The following SALL4 variants were observed in gnomAD, a reference collection of about 807,000 sequenced individuals.
The protein encoded by SALL4 is sal-like protein 4.
A neutral mutation model predicts 60.8 loss-of-function variants in SALL4; 4 were observed. The ratio of observed to expected loss-of-function variants is 0.07; its 90% CI spans 0.03 to 0.15. The LOEUF (loss-of-function observed/expected upper bound fraction) is 0.15. Ranked by LOEUF, SALL4 falls within the 10% of genes least tolerant of loss-of-function variation. The probability of loss-of-function intolerance (pLI) is 1.00; values close to 1 mark genes in which losing one functional copy is unlikely to be tolerated. For missense variants in SALL4, 1,178 were observed against 1,394.7 expected, an observed-to-expected ratio of 0.84 and a Z score of 2.48; for synonymous variants, 580 against 574.9, an observed-to-expected ratio of 1.01 and a Z score of -0.13.
At position 51,791,498 on chromosome 20, in the gene SALL4, G is replaced by T; in HGVS notation, c.985C>A (p.Arg329Ser). 1 of 1,614,058 alleles carries T rather than the reference G, an allele frequency of 6.2e-7. No homozygotes were observed. Among genetic ancestry groups the T allele is most frequent in the Non-Finnish European group, 8.5e-7 (1 of 1,180,008 alleles). The change falls in exon 2 of 4, where the codon CGC (arginine) becomes AGC (serine). Residue 329 changes from arginine (R) to serine (S), a missense_variant. Arg to Ser is a moderately radical substitution (Grantham distance 110). Around this residue, in one of 5 missense-constraint regions of SALL4, gnomAD observed 853 missense variants for 1,036.8 expected, o/e 0.82. Transcript: ENST00000217086. The surrounding 1 kb of genome is among the most constrained non-coding windows in gnomAD (Gnocchi z 4.6). ...TGAGGAAGCAAAGCGCTCGGGAGGC[G>T]GGACATGACGTTCGGGAGCACCCGG... ...GTRVLPNVMSRLPSALLPQAP... is the reference protein window; with the variant it reads ...GTRVLPNVMSSLPSALLPQAP...
At chr20:51,786,247 G>C (rs150780902) in intron 3 of SALL4, among the ~76,000 whole-genome samples, 1 of 151,664 alleles carries the variant, frequency 6.6e-6, no homozygotes, top group Non-Finnish European at 1.5e-5. Flanking sequence ...CCGCCACCAC[G>C]CCCGGCTAAT....
In SALL4 at chr20:51,790,098, G is replaced by T; in HGVS notation, c.2385C>A (p.Ala795=). 1.2e-6 allele frequency: 2 copies of T among 1,614,112 alleles called. No homozygotes were observed. The highest frequency in any genetic ancestry group is 1.7e-6 in the Non-Finnish European group (2 of 1,180,030). The change falls in exon 2 of 4, where the codon GCC becomes GCA. Residue 795 remains alanine (A), a synonymous_variant. Coordinates refer to ENST00000217086, the MANE Select transcript of SALL4 (RefSeq NM_020436.5). The surrounding 1 kb of genome is among the most constrained non-coding windows in gnomAD (Gnocchi z 5.5). ...CGGGAGACTTTGACTTGATGCTTTC[G>T]GCTTGACTATTGGCCGGGGAGAGTG... ...FQALSPANSQ[A]ESIKSKSPDA...
Position 51,789,150 on chromosome 20 carries a change from C to CA in SALL4, c.2462-10dup. The CA allele has an allele frequency of 6.2e-7, 1 of 1,613,002 alleles. No individual in the cohort carries two copies. Among genetic ancestry groups the CA allele is most frequent in the Middle Eastern group, 1.7e-4 (1 of 6,054 alleles). On this transcript the variant is annotated splice_polypyrimidine_tract_variant and intron_variant, in intron 2 of 3. Coordinates refer to ENST00000217086, the MANE Select transcript of SALL4 (RefSeq NM_020436.5). Reference sequence around the variant, plus strand: ...AGGGAGACTGCTCCGACCTAGTACACAGAGGGGAAAAAAGCCAGACCTTTA... The same window carrying CA: ...AGGGAGACTGCTCCGACCTAGTACACAAGAGGGGAAAAAAGCCAGACCTTTA...
chr20:51,799,128 T>G (rs571455567), intron 1 of SALL4, among the ~76,000 whole-genome samples: 2 of 152,294 alleles, frequency 1.3e-5, no homozygotes, highest in Non-Finnish European at 2.9e-5. Context: ...CAACACCATC[T>G]TGACACAATA....
rs1568865404 is a variant in SALL4 at position 51,791,739 on chromosome 20, G to T, written c.744C>A (p.His248Gln). 1 of 1,614,140 alleles carries T rather than the reference G, an allele frequency of 6.2e-7. No homozygotes were observed. Among genetic ancestry groups the T allele is most frequent in the Non-Finnish European group, 8.5e-7 (1 of 1,180,056 alleles). Residue 248 changes from histidine to glutamine, a missense_variant, in exon 2 of 4, where the codon CAC (histidine) becomes CAA (glutamine). Coordinates refer to ENST00000217086, the MANE Select transcript of SALL4 (RefSeq NM_020436.5). The surrounding 1 kb of genome is among the most constrained non-coding windows in gnomAD (Gnocchi z 4.6). ...QVNMWASHAL[H>Q]SSGAGADTLK... ...GAGTGTCGGCCCCTGCCCCGCTTGA[G>T]TGGAGGGCGTGGGAGGCCCACATGT...
rs2078035219 is a variant in SALL4 at position 51,790,992 on chromosome 20, G to A, written c.1491C>T (p.Asp497=). 6.8e-6 allele frequency: 11 copies of A among 1,614,064 alleles called. No individual in the cohort carries two copies. Among genetic ancestry groups the A allele is most frequent in the Non-Finnish European group, 9.3e-6 (11 of 1,180,050 alleles). The stretch of plus-strand genomic sequence containing the variant: ...CACCGGGCAAGGAGCCACCCGTGAG[G>A]TCCTTGGGATTAGTCCCCGAAGAAA... ...QNLSSGTNPK[D]LTGGSLPGDL... The change falls in exon 2 of 4, where the codon GAC becomes GAT. Residue 497 remains aspartate (D), a synonymous_variant. Coordinates refer to ENST00000217086, the MANE Select transcript of SALL4 (RefSeq NM_020436.5). The surrounding 1 kb of genome is among the most constrained non-coding windows in gnomAD (Gnocchi z 5.5).
Position 51,784,758 on chromosome 20 carries a change from G to C in SALL4, c.2743-74C>G. The C allele has an allele frequency of 2.0e-6, 3 of 1,521,274 alleles. No individual in the cohort carries two copies. The Admixed American group carries it at 5.0e-5, about 25-fold the overall frequency. 94.2% of individuals were successfully genotyped at this position (1,521,274 alleles called of 1,614,324 possible). On this transcript the variant is annotated intron_variant, in intron 3 of 3. Transcript: ENST00000217086. The stretch of plus-strand genomic sequence containing the variant: ...TCACTGGCAAGCCAAGAATCAATCT[G>C]CATATGGATTTCATTCTACCCAGTG...
chr20:51,801,074 C>G lies in SALL4; in HGVS notation c.130+1205G>C, dbSNP rs543955874. Among the ~76,000 whole-genome samples, 14 of 152,112 alleles carry G rather than the reference C, an allele frequency of 9.2e-5. No homozygotes were observed. The highest frequency in any genetic ancestry group is 3.4e-4 in the African/African-American group (14 of 41,508). On this transcript the variant is annotated intron_variant, in intron 1 of 3. Coordinates refer to ENST00000217086, the MANE Select transcript of SALL4 (RefSeq NM_020436.5). The surrounding 1 kb of genome is among the most constrained non-coding windows in gnomAD (Gnocchi z 5.2). Reference sequence around the variant, plus strand: ...TGCTGCAGGGAAATTAGAAAGCAGGCGGGGAGCGGAGCGACGAACAAGGCC... The same window carrying G: ...TGCTGCAGGGAAATTAGAAAGCAGGGGGGGAGCGGAGCGACGAACAAGGCC...
intron 1 of SALL4, among the ~76,000 whole-genome samples, chr20:51,795,018 C>T (rs1361733741): frequency 1.3e-5 from 2 of 152,118 alleles, no homozygotes; most frequent in Non-Finnish European, 2.9e-5. Flanking sequence ...TCTAGGACTT[C>T]CAGAAGTTGC....
chr20:51,800,974 G>T (rs1035557088), intron 1 of SALL4, among the ~76,000 whole-genome samples: 1 of 152,162 alleles, frequency 6.6e-6, no homozygotes, highest in Non-Finnish European at 1.5e-5. Flanking sequence ...AAAAAGTGGC[G>T]ACCGTCTTCT....
chr20:51,782,574 A>AGAG lies in SALL4; in HGVS notation c.*1690_*1691insCTC, dbSNP rs1555848605. The AGAG allele has an allele frequency of 9.6e-5, 8 of 83,652 alleles. No individual in the cohort carries two copies. Among genetic ancestry groups the AGAG allele is most frequent in the African/African-American group, 5.1e-4 (7 of 13,854 alleles). The allele number at this position is 83,652 out of a possible 1,614,324, so 5.2% of individuals were successfully genotyped here. ...GCAAAAAAAAAAAAAAAAAAAAAAA[A>AGAG]GGGGGGCGGAATCCTAAAGTCAGGT... On this transcript the variant is annotated 3_prime_UTR_variant, in exon 4 of 4. Transcript: ENST00000217086.
chr20:51,800,983 C>G (rs2078106234), intron 1 of SALL4, among the ~76,000 whole-genome samples: 1 of 152,200 alleles, frequency 6.6e-6, no homozygotes, highest in Admixed American at 6.5e-5. Context: ...CGACCGTCTT[C>G]TCGGGAAACC....
At chr20:51,795,629 C>T (rs1176146371) in intron 1 of SALL4, among the ~76,000 whole-genome samples, 1 of 152,096 alleles carries the variant, frequency 6.6e-6, no homozygotes, top group East Asian at 1.9e-4. Flanking sequence ...CTTTTTAAAA[C>T]AGTTTCTCTT....
chr20:51,797,520 C>T (rs1025256809), intron 1 of SALL4: 22 of 152,080 alleles, frequency 1.4e-4, no homozygotes, highest in African/African-American at 5.1e-4. Context: ...GCTCTGTTTG[C>T]TTGTGCAGTA....
rs1220648665 is a variant in SALL4, at chr20:51,782,475, A to T, written c.*1790T>A. On this transcript the variant is annotated 3_prime_UTR_variant, in exon 4 of 4. Transcript: ENST00000217086. ...AAGCCACTGGTGTGTTTTCTGTAAC[A>T]ATATCCACTTCACAGTGTAAACAGG... is the stretch of plus-strand genomic sequence containing the variant. The T allele has an allele frequency of 6.6e-6, 1 of 151,306 alleles. No individual in the cohort carries two copies. Among genetic ancestry groups the T allele is most frequent in the Non-Finnish European group, 1.5e-5 (1 of 67,954 alleles). The allele number at this position is 151,306 out of a possible 1,614,324, so 9.4% of individuals were successfully genotyped here.
At chr20:51,787,930 TCCC>T (rs1357924291) in intron 3 of SALL4, among the ~76,000 whole-genome samples, 3 of 152,102 alleles carry the variant, frequency 2.0e-5, no homozygotes, top group Non-Finnish European at 2.9e-5. Flanking sequence ...CAAGTGATCC[TCCC>T]ACTTCAGCCT....
chr20:51,784,053 AT>A lies in SALL4; in HGVS notation c.*211del, dbSNP rs59841639. ...AGAGTCTGTATTTGTTTTGGTATGC[AT>A]TTTTTTTTTATTTTTTCAACTTTTT... On this transcript the variant is annotated 3_prime_UTR_variant, in exon 4 of 4. Transcript: ENST00000217086. 2,724 of 531,876 alleles carry A rather than the reference AT, an allele frequency of 5.1e-3. 2 individuals are homozygous for A. The highest frequency in any genetic ancestry group is 5.8e-3 in the Middle Eastern group (11 of 1,898). The allele number at this position is 531,876 out of a possible 1,614,324, so 32.9% of individuals were successfully genotyped here.
rs768377255 is a variant in SALL4 at position 51,792,172 on chromosome 20, T to G, written c.311A>C (p.Asn104Thr). 20 of 1,614,158 alleles carry G rather than the reference T, an allele frequency of 1.2e-5. No homozygotes were observed. In the South Asian group the frequency reaches 2.2e-4, roughly 18 times the overall value. ...TGAAGGCACAGGCCCCTCGCTGTCA[T>G]TCATGATGAGGACAGGTGGATTTTT... ...CTKNPPVLIM[N>T]DSEGPVPSED... Residue 104 changes from asparagine (N) to threonine (T), a missense_variant, in exon 2 of 4, where the codon AAT becomes ACT. By Grantham distance (65) the Asn-to-Thr change is moderately conservative (BLOSUM62 0). Coordinates refer to ENST00000217086, the MANE Select transcript of SALL4 (RefSeq NM_020436.5).
chr20:51,788,210 C>T lies in SALL4; in HGVS notation c.2742+651G>A, dbSNP rs1348133390. Among the ~76,000 whole-genome samples the T allele has an allele frequency of 6.6e-6, 1 of 151,968 alleles. No homozygotes were observed. The highest frequency in any genetic ancestry group is 1.5e-5 in the Non-Finnish European group (1 of 68,020). On this transcript the variant is annotated intron_variant, in intron 3 of 3. Coordinates refer to ENST00000217086, the MANE Select transcript of SALL4 (RefSeq NM_020436.5). The surrounding 1 kb of genome is among the most constrained non-coding windows in gnomAD (Gnocchi z 4.1). ...TCACTTTGTTTTCTAAGCTGGAGTG[C>T]AGTGGCATGATCACAGATCACTGCA... is the stretch of plus-strand genomic sequence containing the variant.
Sources: allele counts gnomAD v4.1 joint callset (sites outside exome capture counted in the v4.1 genomes callset), GRCh38; gene constraint gnomAD v4.1.1; regional missense constraint gnomAD v4.1.1; non-coding constraint Gnocchi (gnomAD v3.1); transcripts MANE v1.5; gene names NCBI Gene and HGNC (gene_info 2026-07-23, HGNC 2026-07-21).